The following ROBO2 variants were observed in gnomAD, a reference collection of about 807,000 sequenced individuals.
ROBO2 encodes the protein roundabout guidance receptor 2.
Under a neutral mutation model 160.8 loss-of-function variants are expected in ROBO2, and 53 were observed. That is an observed-to-expected ratio of 0.33 (90% CI 0.26 to 0.41). The LOEUF (loss-of-function observed/expected upper bound fraction) is 0.41, where lower values mean the gene tolerates loss of function less well. Among genes scored for constraint, ROBO2 ranks in the 10% least tolerant of loss-of-function variants. The pLI is 1.00. For missense variants in ROBO2, 1,577 were observed against 1,722.4 expected (o/e 0.92, Z 1.49); for synonymous variants, 664 against 611.7 (o/e 1.09, Z -1.26).
intron 2 of ROBO2, among the ~76,000 whole-genome samples, chr3:77,252,205 G>A (rs2090429363): frequency 1.3e-5 from 2 of 152,028 alleles, no homozygotes; most frequent in Non-Finnish European, 2.9e-5. Context: ...TGTATAATAA[G>A]GATTTCCTTT....
intron 2 of ROBO2, among the ~76,000 whole-genome samples, chr3:76,561,620 T>G (rs1044597214): frequency 3.9e-5 from 6 of 152,198 alleles, no homozygotes; most frequent in Non-Finnish European, 8.8e-5. Context: ...ATTTGTGTGC[T>G]GAGCAAGTGG....
At chr3:76,335,715 C>A (rs1035975093) in intron 2 of ROBO2, among the ~76,000 whole-genome samples, 1 of 151,732 alleles carries the variant, frequency 6.6e-6, no homozygotes, top group South Asian at 2.1e-4. Flanking sequence ...GCAGCTGGGA[C>A]TACAGGCGCC....
At chr3:76,827,144 G>T (rs1357805834) in intron 2 of ROBO2, among the ~76,000 whole-genome samples, 1 of 152,104 alleles carries the variant, frequency 6.6e-6, no homozygotes, top group Non-Finnish European at 1.5e-5. Flanking sequence ...AAGAGATTTG[G>T]ACTAAGATAG....
chr3:76,882,086 TTGTGTGTGTG>T (rs10611502), intron 2 of ROBO2, among the ~76,000 whole-genome samples: 1 of 144,368 alleles, frequency 6.9e-6, no homozygotes, highest in Non-Finnish European at 1.5e-5. Flanking sequence ...CGTAGGTTGG[TTGTGTGTGTG>T]TGTGTGTGTG....
At chr3:76,399,818 T>C (rs1456359551) in intron 2 of ROBO2, among the ~76,000 whole-genome samples, 1 of 151,750 alleles carries the variant, frequency 6.6e-6, no homozygotes, top group African/African-American at 2.4e-5. Context: ...AGAGCGCACA[T>C]TGGCGAAATA....
intron 2 of ROBO2, among the ~76,000 whole-genome samples, chr3:76,065,131 G>T (rs755626798): frequency 9.9e-5 from 15 of 152,096 alleles, no homozygotes; most frequent in South Asian, 2.1e-4. Flanking sequence ...CGAAAAATTT[G>T]GAGCCCATAA....
At chr3:77,594,903 C>T (rs1234523705) in intron 17 of ROBO2, among the ~76,000 whole-genome samples, 1 of 152,132 alleles carries the variant, frequency 6.6e-6, no homozygotes, top group Non-Finnish European at 1.5e-5. Context: ...AGTTCTTTAA[C>T]TTAACCATGG....
At chr3:76,337,345 C>A (rs1000977754) in intron 2 of ROBO2, among the ~76,000 whole-genome samples, 3 of 152,252 alleles carry the variant, frequency 2.0e-5, no homozygotes, top group African/African-American at 7.2e-5. Context: ...TTGGTATTAT[C>A]TTTAACTCAA....
At chr3:76,991,965 T>C (rs1297681538) in intron 2 of ROBO2, among the ~76,000 whole-genome samples, 1 of 152,082 alleles carries the variant, frequency 6.6e-6, no homozygotes, top group Non-Finnish European at 1.5e-5. Context: ...ACTGTAGAAA[T>C]GTAAAGGAGC....
intron 2 of ROBO2, among the ~76,000 whole-genome samples, chr3:76,954,954 G>A (rs575219302): frequency 9.2e-5 from 14 of 152,274 alleles, no homozygotes; most frequent in Admixed American, 3.3e-4. Flanking sequence ...CATCAGCACT[G>A]TATCCAAATG....
intron 2 of ROBO2, among the ~76,000 whole-genome samples, chr3:76,845,380 A>G (rs935485179): frequency 1.3e-5 from 2 of 152,022 alleles, no homozygotes; most frequent in African/African-American, 4.8e-5. Context: ...ATTTTTGACA[A>G]CCATCATTAG....
chr3:76,511,843 T>C (rs184206502), intron 2 of ROBO2, among the ~76,000 whole-genome samples: 5 of 152,314 alleles, frequency 3.3e-5, no homozygotes, highest in African/African-American at 1.2e-4. Flanking sequence ...CATCAGTAAG[T>C]GGGAAGAAGT....
intron 2 of ROBO2, among the ~76,000 whole-genome samples, chr3:77,173,984 A>T (rs2079888162): frequency 6.6e-6 from 1 of 152,074 alleles, no homozygotes; most frequent in African/African-American, 2.4e-5. Context: ...GACTCTCCAC[A>T]TGTGTGTTTT....
chr3:76,922,956 T>A (rs1310197461), intron 2 of ROBO2, among the ~76,000 whole-genome samples: 3 of 152,252 alleles, frequency 2.0e-5, no homozygotes, highest in African/African-American at 7.2e-5. Flanking sequence ...AATCTTCTCA[T>A]GATCAGGAAT....
intron 2 of ROBO2, among the ~76,000 whole-genome samples, chr3:76,887,533 G>A (rs1464200953): frequency 6.6e-6 from 1 of 151,936 alleles, no homozygotes; most frequent in African/African-American, 2.4e-5. Flanking sequence ...TGTGGGGAAG[G>A]GCAGGAGCGG....
chr3:77,377,238 T>C (rs2072811770), intron 2 of ROBO2, among the ~76,000 whole-genome samples: 1 of 152,190 alleles, frequency 6.6e-6, no homozygotes, highest in Non-Finnish European at 1.5e-5. Context: ...CAAATATAAA[T>C]GAATAAGCAA....
chr3:77,071,119 G>A (rs970592700), intron 1 of ROBO2, among the ~76,000 whole-genome samples: 6 of 152,132 alleles, frequency 3.9e-5, no homozygotes, highest in Non-Finnish European at 5.9e-5. Context: ...ACTGTTTCTC[G>A]CAGTCTCTTT....
intron 2 of ROBO2, among the ~76,000 whole-genome samples, chr3:76,653,868 G>T (rs2091366619): frequency 6.6e-6 from 1 of 152,108 alleles, no homozygotes; most frequent in East Asian, 1.9e-4. Flanking sequence ...CGAAGATTCA[G>T]CTATTAATTA....
intron 2 of ROBO2, among the ~76,000 whole-genome samples, chr3:77,264,538 G>T (rs67310971): frequency 0.2 from 30,549 of 151,556 alleles, 3,514 homozygotes; most frequent in Middle Eastern, 0.32. Flanking sequence ...TGTTCATAAT[G>T]TTTTTTTTTA....
Sources: gnomAD v4.1 joint callset for allele counts (sites outside exome capture counted in the v4.1 genomes callset) on GRCh38, gnomAD v4.1.1 for gene constraint, MANE v1.5 for transcripts, NCBI Gene and HGNC (gene_info 2026-07-23, HGNC 2026-07-21) for gene names.